CNTNAP2: variants seen among roughly 807,000 people sequenced by gnomAD.
CNTNAP2 encodes contactin-associated protein-like 2.
In CNTNAP2, 98 loss-of-function variants were observed where a neutral mutation model predicts 155.2. The ratio of observed to expected loss-of-function variants is 0.63; its 90% CI spans 0.54 to 0.75. The LOEUF is 0.75. CNTNAP2 is among the 30% of genes least tolerant of loss of function. CNTNAP2 has a pLI of 0.00. For synonymous variants in CNTNAP2, 651 were observed against 631.2 expected (o/e 1.03, Z -0.47); for missense variants, 1,727 against 1,688.1 (o/e 1.02, Z -0.40).
Position 147,044,568 on chromosome 7 carries a change from A to C in CNTNAP2, c.550+514A>C, listed in dbSNP as rs138031326. 2.7e-3 allele frequency among the ~76,000 whole-genome samples: 412 copies of C among 152,168 alleles called. 4 individuals carry two copies. Among genetic ancestry groups the C allele is most frequent in the African/African-American group, 9.4e-3 (390 of 41,532 alleles). ...ACGCTTTCTCTACCAAATTTAATTT[A>C]TTTTTTCAAATTGATTTGGTCATCT... is the stretch of plus-strand genomic sequence containing the variant. On this transcript the variant is annotated intron_variant, in intron 4 of 23. Transcript: ENST00000361727.
intron 1 of CNTNAP2, among the ~76,000 whole-genome samples, chr7:146,566,501 C>T (rs992467843): frequency 1.1e-4 from 16 of 151,954 alleles, no homozygotes; most frequent in African/African-American, 3.6e-4. Flanking sequence ...CGAGGTCAGG[C>T]TGACCAGCAT....
intron 1 of CNTNAP2, among the ~76,000 whole-genome samples, chr7:146,321,238 A>G (rs1171032900): frequency 6.6e-6 from 1 of 152,202 alleles, no homozygotes; most frequent in Non-Finnish European, 1.5e-5. Context: ...AAGTACTTAA[A>G]TGGGGCATTA....
At chr7:146,314,342 G>A (rs1268234549) in intron 1 of CNTNAP2, among the ~76,000 whole-genome samples, 2 of 152,192 alleles carry the variant, frequency 1.3e-5, no homozygotes, top group East Asian at 1.9e-4. Context: ...TTGTGCTATC[G>A]CCTTGAGAGA....
At chr7:148,054,061 C>T (rs1265938601) in intron 15 of CNTNAP2, among the ~76,000 whole-genome samples, 1 of 151,562 alleles carries the variant, frequency 6.6e-6, no homozygotes, top group Non-Finnish European at 1.5e-5. Flanking sequence ...CAAACTCTGC[C>T]TCCCGGGTTC....
At chr7:147,954,246 A>G (rs1396392005) in intron 14 of CNTNAP2, among the ~76,000 whole-genome samples, 1 of 151,996 alleles carries the variant, frequency 6.6e-6, no homozygotes, top group Non-Finnish European at 1.5e-5. Flanking sequence ...TCTCACAGAG[A>G]CCTCTGTAAA....
At chr7:147,806,672 A>G (rs1304352026) in intron 13 of CNTNAP2, among the ~76,000 whole-genome samples, 1 of 152,216 alleles carries the variant, frequency 6.6e-6, no homozygotes, top group African/African-American at 2.4e-5. Context: ...CAACCATAAA[A>G]AGAATGAAAT....
At chr7:148,110,557 T>G (rs1804325875) in intron 15 of CNTNAP2, among the ~76,000 whole-genome samples, 1 of 151,976 alleles carries the variant, frequency 6.6e-6, no homozygotes, top group Non-Finnish European at 1.5e-5. Context: ...ACGAAAGAAC[T>G]TCAGCACATC....
chr7:147,726,170 G>A (rs1796638611), intron 13 of CNTNAP2, among the ~76,000 whole-genome samples: 1 of 151,974 alleles, frequency 6.6e-6, no homozygotes, highest in Non-Finnish European at 1.5e-5. Context: ...AAGTTCCAGA[G>A]ATCTCCTGTA....
intron 1 of CNTNAP2, among the ~76,000 whole-genome samples, chr7:146,239,474 T>TA (rs1056708034): frequency 2.0e-5 from 3 of 151,958 alleles, no homozygotes; most frequent in African/African-American, 7.3e-5. Flanking sequence ...GTTTTCTCAG[T>TA]AAAAAAATAA....
chr7:147,914,597 G>A (rs1212671304), intron 14 of CNTNAP2, among the ~76,000 whole-genome samples: 1 of 151,686 alleles, frequency 6.6e-6, no homozygotes, highest in African/African-American at 2.4e-5. Flanking sequence ...GTCTCACTGT[G>A]TTGCCCCAGC....
rs1298796754 is a variant in CNTNAP2 at position 146,566,478 on chromosome 7, G to A, written c.98-207793G>A. On this transcript the variant is annotated intron_variant, in intron 1 of 23. Transcript: ENST00000361727. ...AATATTTACCACTTTGGGAGGCTGA[G>A]GCGGGCGGATCACGAGGTCAGGCTG... Among the ~76,000 whole-genome samples the A allele has an allele frequency of 2.0e-5, 3 of 152,104 alleles. No individual in the cohort carries two copies. In the East Asian group the frequency reaches 5.8e-4, roughly 29 times the overall value.
intron 1 of CNTNAP2, among the ~76,000 whole-genome samples, chr7:146,386,975 A>C (rs998994125): frequency 6.6e-6 from 1 of 152,210 alleles, no homozygotes. Flanking sequence ...CACCAAGTGA[A>C]GGGAGAATGC....
intron 13 of CNTNAP2, among the ~76,000 whole-genome samples, chr7:147,783,176 A>G (rs1185064120): frequency 6.6e-6 from 1 of 152,196 alleles, no homozygotes; most frequent in Non-Finnish European, 1.5e-5. Context: ...AATCTAAATT[A>G]TATCAATATT....
At chr7:146,829,071 T>C (rs1035938625) in intron 2 of CNTNAP2, among the ~76,000 whole-genome samples, 3 of 152,078 alleles carry the variant, frequency 2.0e-5, no homozygotes, top group African/African-American at 7.2e-5. Flanking sequence ...TTTGACATTT[T>C]AAAAACAAAT....
intron 3 of CNTNAP2, among the ~76,000 whole-genome samples, chr7:147,029,180 G>A (rs1345740358): frequency 6.6e-6 from 1 of 151,858 alleles, no homozygotes; most frequent in Non-Finnish European, 1.5e-5. Flanking sequence ...AGCCAGGATG[G>A]TCTCCATCTC....
chr7:147,572,721 CACACACACACACAT>C (rs1326636212), intron 12 of CNTNAP2, among the ~76,000 whole-genome samples: 7 of 151,842 alleles, frequency 4.6e-5, no homozygotes, highest in Non-Finnish European at 8.8e-5. Flanking sequence ...CACACACACA[CACACACACACACAT>C]GTTGGGAAAT....
At chr7:146,164,758 T>C (rs1798286460) in intron 1 of CNTNAP2, among the ~76,000 whole-genome samples, 1 of 152,214 alleles carries the variant, frequency 6.6e-6, no homozygotes, top group African/African-American at 2.4e-5. Flanking sequence ...TTTATAGTTT[T>C]ACAAAATGCG....
chr7:147,572,394 T>C (rs912867593), intron 12 of CNTNAP2, among the ~76,000 whole-genome samples: 5 of 151,048 alleles, frequency 3.3e-5, no homozygotes, highest in Non-Finnish European at 7.4e-5. Context: ...CCAGGTGAAA[T>C]CAAGATGAAG....
intron 1 of CNTNAP2, among the ~76,000 whole-genome samples, chr7:146,737,273 T>A (rs1269271873): frequency 6.6e-6 from 1 of 152,118 alleles, no homozygotes; most frequent in Non-Finnish European, 1.5e-5. Flanking sequence ...CATAGTTATC[T>A]TTTTTGTAGT....
Sources: gnomAD v4.1 joint callset for allele counts (sites outside exome capture counted in the v4.1 genomes callset) on GRCh38, gnomAD v4.1.1 for gene constraint, MANE v1.5 for transcripts, NCBI Gene and HGNC (gene_info 2026-07-23, HGNC 2026-07-21) for gene names.